The following AGBL4 variants were observed in gnomAD, a reference collection of about 807,000 sequenced individuals.
AGBL4 encodes the protein AGBL carboxypeptidase 4, also known as cytosolic carboxypeptidase 6.
AGBL4 carries 58 observed loss-of-function variants against 66.4 expected under a neutral mutation model. The ratio of observed to expected loss-of-function variants is 0.87; its 90% confidence interval spans 0.71 to 1.09. AGBL4 has a LOEUF of 1.09. AGBL4 is among the 50% of genes least tolerant of loss of function. The pLI, the probability that AGBL4 is intolerant of heterozygous loss-of-function variation, is 0.00. For missense variants in AGBL4, 579 were observed against 631.0 expected (o/e 0.92, Z 0.88); for synonymous variants, 234 against 222.9 (o/e 1.05, Z -0.44).
chr1:48,978,812 G>A (rs1395653792), intron 5 of AGBL4, among the ~76,000 whole-genome samples: 2 of 152,060 alleles, frequency 1.3e-5, no homozygotes, highest in South Asian at 2.1e-4. Flanking sequence ...AAGGTCACTC[G>A]ACAAGGCAAT....
At chr1:49,117,783 G>A (rs1331421897) in intron 4 of AGBL4, among the ~76,000 whole-genome samples, 2 of 152,016 alleles carry the variant, frequency 1.3e-5, no homozygotes, top group Non-Finnish European at 2.9e-5. Context: ...TGATGGGGAT[G>A]GCATTGAATC....
chr1:48,867,158 A>G, intron 6 of AGBL4, 33 bp downstream of exon 6: 1 of 1,610,428 alleles, frequency 6.2e-7, no homozygotes, highest in South Asian at 1.1e-5. Flanking sequence ...GAAATAAGGG[A>G]AAAGCAAAGG....
rs556958405 is a variant in AGBL4 at position 49,972,392 on chromosome 1, A to C, written c.34+51371T>G. 4.6e-5 allele frequency among the ~76,000 whole-genome samples: 7 copies of C among 152,136 alleles called. No homozygotes were observed. In the East Asian group the frequency reaches 9.7e-4, roughly 21 times the overall value. ...GTATGTCCATGTGTACCCATTGTTT[A>C]GTCCCCACTAATAAGTGAGAACCTG... On this transcript the variant is annotated intron_variant, in intron 1 of 13. Coordinates refer to ENST00000371839, the MANE Select transcript of AGBL4 (RefSeq NM_032785.4).
intron 11 of AGBL4, among the ~76,000 whole-genome samples, chr1:48,574,830 A>T (rs1644624756): frequency 6.6e-6 from 1 of 152,192 alleles, no homozygotes; most frequent in Non-Finnish European, 1.5e-5. Context: ...ATTGATGGAT[A>T]AGAAATCCCA....
At chr1:49,651,400 T>TA (rs2124448499) in intron 3 of AGBL4, among the ~76,000 whole-genome samples, 1 of 152,224 alleles carries the variant, frequency 6.6e-6, no homozygotes, top group Non-Finnish European at 1.5e-5. Flanking sequence ...AAACACCACC[T>TA]ACTGGACTGA....
At chr1:48,876,073 G>A (rs1649192913) in intron 5 of AGBL4, among the ~76,000 whole-genome samples, 2 of 152,154 alleles carry the variant, frequency 1.3e-5, no homozygotes, top group African/African-American at 4.8e-5. Context: ...ACTCAAGTGT[G>A]ATCTTTTGTA....
intron 5 of AGBL4, among the ~76,000 whole-genome samples, chr1:49,009,032 C>T (rs1388677440): frequency 2.7e-5 from 4 of 149,864 alleles, no homozygotes; most frequent in Admixed American, 6.6e-5. Flanking sequence ...AAAATCAGAG[C>T]AGAACTGAAG....
At chr1:48,842,695 G>T (rs1411786960) in intron 6 of AGBL4, among the ~76,000 whole-genome samples, 2 of 152,100 alleles carry the variant, frequency 1.3e-5, no homozygotes, top group Non-Finnish European at 2.9e-5. Context: ...TGAAAGCAAG[G>T]TCTAAAAGAG....
intron 3 of AGBL4, among the ~76,000 whole-genome samples, chr1:49,511,931 C>T (rs1017975246): frequency 2.0e-5 from 3 of 152,092 alleles, no homozygotes; most frequent in Admixed American, 1.3e-4. Context: ...TATATTCCAG[C>T]ATTCTGAGTC....
At chr1:49,085,940 T>G (rs1295574805) in intron 4 of AGBL4, among the ~76,000 whole-genome samples, 1 of 152,116 alleles carries the variant, frequency 6.6e-6, no homozygotes, top group Non-Finnish European at 1.5e-5. Context: ...GTTGGTGTCA[T>G]CACCCCAGTA....
chr1:48,972,186 C>T (rs778432934), intron 5 of AGBL4, among the ~76,000 whole-genome samples: 10 of 152,120 alleles, frequency 6.6e-5, no homozygotes, highest in Non-Finnish European at 1.3e-4. Flanking sequence ...AAAGTCCCCA[C>T]GCCTAGTTGC....
At chr1:49,157,113 C>A (rs1254057023) in intron 4 of AGBL4, among the ~76,000 whole-genome samples, 1 of 151,602 alleles carries the variant, frequency 6.6e-6, no homozygotes, top group Non-Finnish European at 1.5e-5. Flanking sequence ...ACTTTAAGTT[C>A]TAGGGTATAT....
chr1:48,906,534 G>A (rs1167724564), intron 5 of AGBL4, among the ~76,000 whole-genome samples: 4 of 152,298 alleles, frequency 2.6e-5, no homozygotes, highest in Admixed American at 1.3e-4. Flanking sequence ...GATTAGGGGT[G>A]AGGGAGGTAG....
chr1:49,776,645 A>G (rs894009814), intron 2 of AGBL4, among the ~76,000 whole-genome samples: 3 of 151,942 alleles, frequency 2.0e-5, no homozygotes, highest in African/African-American at 7.2e-5. Flanking sequence ...ACTAACTACC[A>G]CTTTGCTTTC....
intron 1 of AGBL4, among the ~76,000 whole-genome samples, chr1:49,979,962 T>C (rs1658924786): frequency 6.6e-6 from 1 of 152,222 alleles, no homozygotes; most frequent in South Asian, 2.1e-4. Context: ...ATTTGGGGTA[T>C]TGATAAATAC....
chr1:48,657,003 G>A (rs757328429), intron 7 of AGBL4, among the ~76,000 whole-genome samples: 23 of 152,184 alleles, frequency 1.5e-4, no homozygotes, highest in Non-Finnish European at 2.9e-4. Context: ...AGGAGTGCCA[G>A]CGGAAGGTAT....
intron 3 of AGBL4, among the ~76,000 whole-genome samples, chr1:49,611,078 G>A (rs918659248): frequency 1.3e-5 from 2 of 152,154 alleles, no homozygotes; most frequent in African/African-American, 4.8e-5. Flanking sequence ...AGCATGAAGT[G>A]CCATGGGGAG....
chr1:48,564,020 C>T (rs991337512), intron 11 of AGBL4, among the ~76,000 whole-genome samples: 1 of 152,152 alleles, frequency 6.6e-6, no homozygotes, highest in Non-Finnish European at 1.5e-5. Flanking sequence ...ATGATCGGGC[C>T]TATGATCAGC....
intron 1 of AGBL4, among the ~76,000 whole-genome samples, chr1:49,890,135 CAG>C (rs1044827550): frequency 3.3e-5 from 5 of 152,244 alleles, no homozygotes; most frequent in African/African-American, 1.2e-4. Flanking sequence ...TTTTGCATAA[CAG>C]AAAAATCCTA....
Sources: allele counts gnomAD v4.1 joint callset (sites outside exome capture counted in the v4.1 genomes callset), GRCh38; gene constraint gnomAD v4.1.1; transcripts MANE v1.5; gene names NCBI Gene and HGNC (gene_info 2026-07-23, HGNC 2026-07-21).